Variants in RIC8B observed in about 807,000 individuals in gnomAD.
The protein encoded by RIC8B is RIC8 guanine nucleotide exchange factor B, also known as chaperone Ric-8B.
A neutral mutation model predicts 57.5 loss-of-function variants in RIC8B; 16 were observed. The ratio of observed to expected loss-of-function variants is 0.28; its 90% CI spans 0.19 to 0.42. RIC8B has a LOEUF of 0.42. Ranked by LOEUF, RIC8B falls within the 10% of genes least tolerant of loss-of-function variation. The pLI, the probability that RIC8B is intolerant of heterozygous loss-of-function variation, is 1.00. For missense variants in RIC8B, 481 were observed against 677.0 expected (o/e 0.71, Z 3.21); for synonymous variants, 216 against 250.8 (o/e 0.86, Z 1.31).
chr12:106,781,466 C>G (rs2043760116), intron 1 of RIC8B, among the ~76,000 whole-genome samples: 1 of 152,006 alleles, frequency 6.6e-6, no homozygotes, highest in African/African-American at 2.4e-5. Flanking sequence ...ATAAAAGAAC[C>G]CAGGTTTATA....
intron 1 of RIC8B, among the ~76,000 whole-genome samples, chr12:106,777,622 T>C (rs2043554002): frequency 6.6e-6 from 1 of 152,148 alleles, no homozygotes; most frequent in Non-Finnish European, 1.5e-5. Flanking sequence ...GGCAGTCAAG[T>C]GTAGTAGAAA....
At chr12:106,790,107 A>G (rs1444752176) in intron 2 of RIC8B, among the ~76,000 whole-genome samples, 1 of 152,212 alleles carries the variant, frequency 6.6e-6, no homozygotes, top group African/African-American at 2.4e-5. Context: ...GAATAAGGAA[A>G]CTGAGGCTCA....
intron 9 of RIC8B, among the ~76,000 whole-genome samples, chr12:106,871,842 C>T (rs1329611262): frequency 6.6e-6 from 1 of 152,114 alleles, no homozygotes; most frequent in African/African-American, 2.4e-5. Context: ...GCCAGAGAGC[C>T]AACCATGAAA....
chr12:106,866,417 T>C (rs1297960609), intron 8 of RIC8B, among the ~76,000 whole-genome samples: 3 of 152,200 alleles, frequency 2.0e-5, no homozygotes, highest in Non-Finnish European at 4.4e-5. Context: ...ATTTCCATTT[T>C]GTTCTTTATA....
At chr12:106,789,756 C>T (rs1451402965) in intron 2 of RIC8B, among the ~76,000 whole-genome samples, 1 of 152,130 alleles carries the variant, frequency 6.6e-6, no homozygotes, top group Non-Finnish European at 1.5e-5. Context: ...CCATATCACT[C>T]CCCTCGTTCT....
Position 106,880,009 on chromosome 12 carries a change from AG to A in RIC8B, c.1572-5894del, listed in dbSNP as rs1950847743. ...AATCCTGATACACATTTCAATATAC[AG>A]TATCTCCGTTTTACCATGATATACA... is the stretch of plus-strand genomic sequence containing the variant. On this transcript the variant is annotated intron_variant, in intron 9 of 9. Coordinates refer to ENST00000392837, the MANE Select transcript of RIC8B (RefSeq NM_001330145.2). The A allele has an allele frequency of 5.3e-6, 5 of 940,062 alleles. No individual in the cohort carries two copies. In the South Asian group the frequency reaches 2.5e-4, roughly 46 times the overall value. 58.2% of individuals were successfully genotyped at this position (940,062 alleles called of 1,614,324 possible).
chr12:106,844,122 A>G (rs1949081087), intron 6 of RIC8B, among the ~76,000 whole-genome samples, 175 bp downstream of exon 6: 3 of 152,206 alleles, frequency 2.0e-5, no homozygotes, highest in Admixed American at 6.5e-5. Context: ...TCATTCAGCA[A>G]ATGCTACCGA....
chr12:106,791,470 C>T (rs1031258925), intron 2 of RIC8B, among the ~76,000 whole-genome samples: 1 of 152,086 alleles, frequency 6.6e-6, no homozygotes, highest in East Asian at 1.9e-4. Flanking sequence ...TTCTTGATTA[C>T]GTATTCCTTT....
At chr12:106,791,141 G>T (rs1462839616) in intron 2 of RIC8B, among the ~76,000 whole-genome samples, 2 of 152,080 alleles carry the variant, frequency 1.3e-5, no homozygotes, top group African/African-American at 4.8e-5. Context: ...AGCTCATGTT[G>T]TTCACTGAAA....
chr12:106,780,075 A>G (rs750673359), intron 1 of RIC8B, among the ~76,000 whole-genome samples: 7 of 152,132 alleles, frequency 4.6e-5, no homozygotes, highest in Non-Finnish European at 7.4e-5. Flanking sequence ...GATTATCAAC[A>G]ACAAACTGTG....
chr12:106,843,204 G>A (rs1220023301), intron 5 of RIC8B, among the ~76,000 whole-genome samples: 1 of 151,998 alleles, frequency 6.6e-6, no homozygotes, highest in Non-Finnish European at 1.5e-5. Context: ...GAAAAAAGAA[G>A]ACCTTGTCAA....
At chr12:106,832,259 A>C (rs778488614) in intron 4 of RIC8B, among the ~76,000 whole-genome samples, 1 of 151,950 alleles carries the variant, frequency 6.6e-6, no homozygotes, top group Non-Finnish European at 1.5e-5. Flanking sequence ...AATAATCTTC[A>C]TTTTTTATTT....
chr12:106,850,030 C>A (rs909001745), intron 6 of RIC8B, among the ~76,000 whole-genome samples: 1 of 152,246 alleles, frequency 6.6e-6, no homozygotes, highest in African/African-American at 2.4e-5. Context: ...GCGAGCATTA[C>A]TGCCTGAGCG....
chr12:106,869,051 CT>C (rs1950273604), intron 8 of RIC8B, among the ~76,000 whole-genome samples: 2 of 152,142 alleles, frequency 1.3e-5, no homozygotes, highest in African/African-American at 4.8e-5. Flanking sequence ...CTCTACGCCC[CT>C]ATCTACTTGG....
At chr12:106,804,541 A>G (rs2136241172) in intron 2 of RIC8B, among the ~76,000 whole-genome samples, 1 of 152,332 alleles carries the variant, frequency 6.6e-6, no homozygotes, top group African/African-American at 2.4e-5. Context: ...TTTTACAGGT[A>G]AGGAAGTAAA....
chr12:106,832,913 C>G (rs2046418702), intron 4 of RIC8B, among the ~76,000 whole-genome samples: 1 of 152,170 alleles, frequency 6.6e-6, no homozygotes, highest in Non-Finnish European at 1.5e-5. Flanking sequence ...GGCCTTATTT[C>G]AGCATTGAAC....
chr12:106,777,009 A>T (rs1299138709), intron 1 of RIC8B, among the ~76,000 whole-genome samples: 1 of 152,166 alleles, frequency 6.6e-6, no homozygotes, highest in African/African-American at 2.4e-5. Context: ...AGGTGCGTGC[A>T]ACAGCACTGG....
chr12:106,792,498 C>G (rs750376535), intron 2 of RIC8B, among the ~76,000 whole-genome samples: 4 of 152,174 alleles, frequency 2.6e-5, no homozygotes, highest in African/African-American at 4.8e-5. Context: ...AGTTCCGCTT[C>G]CAGCCATGAC....
intron 2 of RIC8B, chr12:106,797,982 C>T (rs534205829): frequency 2.1e-5 from 15 of 701,824 alleles, no homozygotes; most frequent in African/African-American, 3.6e-5. Context: ...TTTAGGCACC[C>T]GAAATGTGAG....
Sources: allele counts gnomAD v4.1 joint callset (sites outside exome capture counted in the v4.1 genomes callset), GRCh38; gene constraint gnomAD v4.1.1; transcripts MANE v1.5; gene names NCBI Gene and HGNC (gene_info 2026-07-23, HGNC 2026-07-21).